Variants in GAK observed in about 807,000 individuals in gnomAD.
The protein encoded by GAK is cyclin-G-associated kinase.
GAK carries 79 observed loss-of-function variants against 143.9 expected under a neutral mutation model. That is an observed-to-expected ratio of 0.55 (90% CI 0.46 to 0.66). The LOEUF (loss-of-function observed/expected upper bound fraction) is 0.66. Ranked by LOEUF, GAK falls within the 30% of genes least tolerant of loss-of-function variation. The pLI, the probability that GAK is intolerant of heterozygous loss-of-function variation, is 0.00. For missense variants in GAK, 1,693 were observed against 1,779.7 expected (o/e 0.95, Z 0.88); for synonymous variants, 881 against 765.5 (o/e 1.15, Z -2.49).
chr4:928,245 AT>A (rs1171160730), intron 1 of GAK, among the ~76,000 whole-genome samples: 2 of 152,142 alleles, frequency 1.3e-5, no homozygotes, highest in African/African-American at 4.8e-5. Flanking sequence ...TTCAGTAGAG[AT>A]GGGGTTTTGC....
chr4:851,011 G>T lies in GAK; in HGVS notation c.3582C>A (p.Asp1194Glu). Reference protein sequence around the residue: ...LSNQGFSSRSDKKGPKTIAEM... With the variant: ...LSNQGFSSRSEKKGPKTIAEM... ...CTGCAATGGTCTTTGGCCCTTTCTT[G>T]TCAGACCTGGAGGAGAAGCCTTGAT... The change falls in exon 26 of 28, where the codon GAC (aspartate) becomes GAA (glutamate). Residue 1194 changes from aspartate to glutamate, a missense_variant. This residue lies in a region of GAK where 822 missense variants were observed against 788.7 expected (regional missense o/e 1.04). Transcript: ENST00000314167. 6.2e-7 allele frequency: 1 copy of T among 1,614,076 alleles called. No individual in the cohort carries two copies. The highest frequency in any genetic ancestry group is 8.5e-7 in the Non-Finnish European group (1 of 1,179,960).
At chr4:857,028 AAT>A (rs2152704782) in intron 24 of GAK, among the ~76,000 whole-genome samples, 1 of 152,372 alleles carries the variant, frequency 6.6e-6, no homozygotes, top group African/African-American at 2.4e-5. Flanking sequence ...TCAGCCAGTT[AAT>A]ATGATATCAG....
chr4:871,014 G>C (rs1712478026), intron 18 of GAK, 110 bp from the exon 19 acceptor site: 2 of 985,482 alleles, frequency 2.0e-6, no homozygotes, highest in Non-Finnish European at 2.9e-6. Flanking sequence ...GCAGGCAGCG[G>C]GGCGAGAACA....
At chr4:864,359 T>TCAAAAA (rs1229947651) in intron 23 of GAK, among the ~76,000 whole-genome samples, 8 of 151,984 alleles carry the variant, frequency 5.3e-5, no homozygotes, top group Admixed American at 4.6e-4. Flanking sequence ...AGACCCTGTC[T>TCAAAAA]CAAAAACAAA....
intron 3 of GAK, chr4:912,256 A>AG: frequency 2.3e-6 from 1 of 434,174 alleles, no homozygotes. Flanking sequence ...GGCAGTGGAC[A>AG]GGGAGTGCAG....
chr4:914,273 C>T (rs1419601725), intron 1 of GAK, among the ~76,000 whole-genome samples: 3 of 97,308 alleles, frequency 3.1e-5, no homozygotes, highest in East Asian at 3.4e-4. Context: ...CCAGCGTGCA[C>T]GGCCACACAC....
At chr4:907,535 C>T (rs3775113) in intron 4 of GAK, among the ~76,000 whole-genome samples, 44,673 of 152,144 alleles carry the variant, frequency 0.29, 6,737 homozygotes, top group Non-Finnish European at 0.33. Flanking sequence ...GGTAACTGGG[C>T]CCCCTGTTCA....
chr4:865,345 T>G, intron 22 of GAK, 101 bp from the exon 23 acceptor site: 2 of 1,465,390 alleles, frequency 1.4e-6, no homozygotes, highest in Non-Finnish European at 1.9e-6. Context: ...AGCGGACACC[T>G]CTTGCACCCA....
chr4:849,834 A>AGCCC, intron 27 of GAK, 58 bp downstream of exon 27: 3 of 942,244 alleles, frequency 3.2e-6, no homozygotes, highest in Non-Finnish European at 4.7e-6. Flanking sequence ...GCGGGGCAGG[A>AGCCC]CCCCCCCCCC....
rs1453223987 is a variant in GAK, at chr4:912,565, T to A, written c.267+170A>T. On this transcript the variant is annotated intron_variant, in intron 3 of 27. Coordinates refer to ENST00000314167, the MANE Select transcript of GAK (RefSeq NM_005255.4). ...GTAAAAAAAAAACAGAAAAAACTGC[T>A]TCTTCCTAGAAGTCGCCTACAACTA... is the stretch of plus-strand genomic sequence containing the variant. 4 of 549,236 alleles carry A rather than the reference T, an allele frequency of 7.3e-6. No individual in the cohort carries two copies. In the African/African-American group the frequency reaches 7.6e-5, roughly 10 times the overall value. 34.0% of individuals were successfully genotyped at this position (549,236 alleles called of 1,614,324 possible). A position where few individuals can be genotyped will look rare whatever the true frequency, so the allele number is the denominator to read the frequency against.
At chr4:902,220 G>C (rs1193536319) in intron 5 of GAK, among the ~76,000 whole-genome samples, 1 of 149,068 alleles carries the variant, frequency 6.7e-6, no homozygotes, top group African/African-American at 2.5e-5. Context: ...CTGGGCAACA[G>C]AGCAAGACTC....
rs756057938 is a variant in GAK at position 904,711 on chromosome 4, T to A, written c.451A>T (p.Ile151Phe). The A allele has an allele frequency of 1.2e-6, 2 of 1,613,960 alleles. No individual in the cohort carries two copies. The highest frequency in any genetic ancestry group is 2.7e-5 in the African/African-American group (2 of 74,934). ...GPLSCDTVLK[I>F]FYQTCRAVQH... ...ACGGCGCGGCACGTCTGGTAGAAGA[T>A]CTTCAGAACCGTGTCGCACGAAAGG... The change falls in exon 5 of 28, where the codon ATC becomes TTC. Residue 151 changes from isoleucine to phenylalanine, a missense_variant. This residue lies in a region of GAK where 871 missense variants were observed against 991.0 expected (regional missense o/e 0.88). Transcript: ENST00000314167.
At chr4:907,872 GGC>G (rs376429251) in intron 4 of GAK, among the ~76,000 whole-genome samples, 3 of 152,182 alleles carry the variant, frequency 2.0e-5, no homozygotes, top group East Asian at 1.9e-4. Context: ...GGAGTGAGCT[GGC>G]GCGCGCATGC....
At chr4:913,293 ACTC>A (rs1356893597) in intron 2 of GAK, among the ~76,000 whole-genome samples, 1 of 152,194 alleles carries the variant, frequency 6.6e-6, no homozygotes, top group Non-Finnish European at 1.5e-5. Flanking sequence ...CAGCTTTTAA[ACTC>A]CTTGTATTCA....
intron 24 of GAK, among the ~76,000 whole-genome samples, chr4:857,082 T>C (rs1049999172): frequency 6.6e-6 from 1 of 152,266 alleles, no homozygotes; most frequent in Admixed American, 6.5e-5. Flanking sequence ...TTACTTTCAA[T>C]GGCAAAACCA....
At chr4:879,970 C>T (rs572313503) in intron 15 of GAK, among the ~76,000 whole-genome samples, 1 of 152,186 alleles carries the variant, frequency 6.6e-6, no homozygotes, top group Non-Finnish European at 1.5e-5. Flanking sequence ...CCTGGCATTT[C>T]CACGGCTCTG....
chr4:905,321 C>G (rs1001893923), intron 4 of GAK, among the ~76,000 whole-genome samples: 2 of 152,192 alleles, frequency 1.3e-5, no homozygotes, highest in African/African-American at 4.8e-5. Flanking sequence ...CCAGTTTGTT[C>G]AAAATGCCAA....
At chr4:931,834 G>A (rs1214631741) in intron 1 of GAK, among the ~76,000 whole-genome samples, 1 of 152,116 alleles carries the variant, frequency 6.6e-6, no homozygotes, top group Non-Finnish European at 1.5e-5. Flanking sequence ...ACCGCCAGCA[G>A]GCACTCACCT....
chr4:851,886 C>A lies in GAK; in HGVS notation c.3372G>T (p.Pro1124=). The A allele has an allele frequency of 1.9e-6, 3 of 1,610,456 alleles. No individual in the cohort carries two copies. Among genetic ancestry groups the A allele is most frequent in the East Asian group, 2.2e-5 (1 of 44,808 alleles). The part of the protein sequence containing the change: ...KGSSSWQTSR[P]PAQGASWPPQ... ...GGGGCCATGAGGCGCCCTGGGCTGG[C>A]GGCCGACTTGTCTGCCAGGAGCTGC... The change falls in exon 25 of 28, where the codon CCG becomes CCT. Residue 1124 remains proline, a synonymous_variant. Coordinates refer to ENST00000314167, the MANE Select transcript of GAK (RefSeq NM_005255.4).
Sources: allele counts gnomAD v4.1 joint callset (sites outside exome capture counted in the v4.1 genomes callset), GRCh38; gene constraint gnomAD v4.1.1; regional missense constraint gnomAD v4.1.1; transcripts MANE v1.5; gene names NCBI Gene and HGNC (gene_info 2026-07-23, HGNC 2026-07-21).